MAGI2: variants seen among roughly 807,000 people sequenced by gnomAD.
MAGI2 encodes membrane-associated guanylate kinase, WW and PDZ domain-containing protein 2.
MAGI2 carries 35 observed loss-of-function variants against 133.3 expected under a neutral mutation model. The ratio of observed to expected loss-of-function variants is 0.26; its 90% CI spans 0.20 to 0.35. MAGI2 has a LOEUF of 0.35. MAGI2 is among the 10% of genes least tolerant of loss of function. MAGI2 has a pLI of 1.00. For synonymous variants in MAGI2, 729 were observed against 710.6 expected (o/e 1.03, Z -0.41); for missense variants, 1,636 against 1,863.4 (o/e 0.88, Z 2.25).
intron 1 of MAGI2, among the ~76,000 whole-genome samples, chr7:79,090,089 GA>G (rs1448295973): frequency 6.6e-6 from 1 of 151,736 alleles, no homozygotes; most frequent in African/African-American, 2.4e-5. Context: ...TCCCCTTTAA[GA>G]AAACTGTATT....
chr7:79,426,447 TAA>T (rs977154890), intron 1 of MAGI2, among the ~76,000 whole-genome samples: 1 of 152,108 alleles, frequency 6.6e-6, no homozygotes, highest in African/African-American at 2.4e-5. Context: ...AATCTAAAGG[TAA>T]AAATGATTTT....
At chr7:78,490,286 T>C (rs1309413772) in intron 5 of MAGI2, among the ~76,000 whole-genome samples, 1 of 152,094 alleles carries the variant, frequency 6.6e-6, no homozygotes, top group Non-Finnish European at 1.5e-5. Context: ...GCAGAGGCAG[T>C]ACAAAAGTGA....
intron 2 of MAGI2, among the ~76,000 whole-genome samples, chr7:79,000,923 T>C (rs1806792579): frequency 6.6e-6 from 1 of 152,220 alleles, no homozygotes; most frequent in Non-Finnish European, 1.5e-5. Flanking sequence ...GTTCACCTTA[T>C]TCACTGTTTT....
At chr7:79,357,776 T>C (rs953730986) in intron 1 of MAGI2, among the ~76,000 whole-genome samples, 3 of 152,216 alleles carry the variant, frequency 2.0e-5, no homozygotes, top group African/African-American at 7.2e-5. Flanking sequence ...TGCCATTTAC[T>C]GGCTTAGAAA....
At chr7:78,228,960 CT>C (rs920848435) in intron 10 of MAGI2, among the ~76,000 whole-genome samples, 11 of 152,356 alleles carry the variant, frequency 7.2e-5, no homozygotes, top group Admixed American at 1.3e-4. Flanking sequence ...ACATAAACAT[CT>C]TCTAGGAAGG....
At position 79,396,656 on chromosome 7, in the gene MAGI2, GTGTGC is replaced by G. The variant is rs201139418; in HGVS notation, c.301+56359_301+56363del. ...TTTATGTCCTGCGGGTTTGCAGAGT[GTGTGC>G]TACCATAATTACCACTGGATAGGTA... On this transcript the variant is annotated intron_variant, in intron 1 of 21. Transcript: ENST00000354212. 2.8e-3 allele frequency among the ~76,000 whole-genome samples: 430 copies of G among 152,204 alleles called. 3 individuals are homozygous for G. The highest frequency in any genetic ancestry group is 0.01 in the African/African-American group (421 of 41,530).
intron 3 of MAGI2, among the ~76,000 whole-genome samples, chr7:78,526,449 G>A (rs1796959892): frequency 1.3e-5 from 2 of 152,160 alleles, no homozygotes; most frequent in South Asian, 2.1e-4. Context: ...TACATTAGCA[G>A]TTTCTTGTAA....
chr7:79,255,775 A>ATAAAGGT (rs1158061943), intron 1 of MAGI2, among the ~76,000 whole-genome samples: 1 of 152,158 alleles, frequency 6.6e-6, no homozygotes, highest in African/African-American at 2.4e-5. Context: ...CATGCCAATA[A>ATAAAGGT]TAAAGGTTAT....
intron 2 of MAGI2, among the ~76,000 whole-genome samples, chr7:78,948,069 G>C (rs1484997438): frequency 1.3e-5 from 2 of 151,976 alleles, no homozygotes; most frequent in East Asian, 3.9e-4. Flanking sequence ...ATATTTCACT[G>C]ATAGGAAAAG....
At chr7:78,312,936 TTA>T (rs904852959) in intron 9 of MAGI2, among the ~76,000 whole-genome samples, 2 of 150,502 alleles carry the variant, frequency 1.3e-5, no homozygotes, top group East Asian at 3.9e-4. Context: ...TATATATATT[TTA>T]TATATATGTG....
chr7:78,425,065 C>G (rs748831928), intron 6 of MAGI2, among the ~76,000 whole-genome samples: 2 of 151,976 alleles, frequency 1.3e-5, no homozygotes, highest in Non-Finnish European at 2.9e-5. Context: ...TGTCTTTGTC[C>G]CCACCCAAAT....
intron 4 of MAGI2, among the ~76,000 whole-genome samples, chr7:78,514,086 CAAAAAAAA>C (rs67534111): frequency 4.2e-5 from 2 of 47,198 alleles, no homozygotes; most frequent in African/African-American, 8.8e-5. Flanking sequence ...GAAACTGTCT[CAAAAAAAA>C]AAAAAAAAAA....
At chr7:79,371,408 A>T (rs952470050) in intron 1 of MAGI2, among the ~76,000 whole-genome samples, 10 of 152,270 alleles carry the variant, frequency 6.6e-5, no homozygotes, top group African/African-American at 2.4e-4. Context: ...ATAATAACAC[A>T]ATCATGAGCC....
At chr7:79,387,389 A>G (rs973361284) in intron 1 of MAGI2, among the ~76,000 whole-genome samples, 10 of 152,040 alleles carry the variant, frequency 6.6e-5, no homozygotes, top group Non-Finnish European at 1.2e-4. Flanking sequence ...AACCTCTTCT[A>G]TCATATCTCT....
At chr7:78,205,453 C>G (rs2150775359) in intron 10 of MAGI2, among the ~76,000 whole-genome samples, 1 of 152,282 alleles carries the variant, frequency 6.6e-6, no homozygotes, top group African/African-American at 2.4e-5. Context: ...TTTTAATGAA[C>G]TGCAGAAATA....
At chr7:79,264,859 C>G (rs11973518) in intron 1 of MAGI2, among the ~76,000 whole-genome samples, 5,243 of 145,960 alleles carry the variant, frequency 0.036, 146 homozygotes, top group African/African-American at 0.067. Flanking sequence ...GAGAGAGACA[C>G]AGAGAGAGAG....
chr7:78,428,987 C>T (rs535207821), intron 6 of MAGI2, among the ~76,000 whole-genome samples: 9 of 152,190 alleles, frequency 5.9e-5, no homozygotes, highest in Non-Finnish European at 1.2e-4. Context: ...GTGTTACTAA[C>T]AAAAAGTTAG....
intron 9 of MAGI2, among the ~76,000 whole-genome samples, chr7:78,334,914 T>TA (rs1209748771): frequency 6.6e-6 from 1 of 152,024 alleles, no homozygotes. Context: ...AGAGCAGAGG[T>TA]ATCATGACTT....
chr7:78,380,504 A>G (rs1039455984), intron 6 of MAGI2, among the ~76,000 whole-genome samples: 4 of 152,158 alleles, frequency 2.6e-5, no homozygotes, highest in African/African-American at 9.6e-5. Flanking sequence ...CAGAAAGACA[A>G]ATGTCACATG....
Sources: allele counts gnomAD v4.1 joint callset (sites outside exome capture counted in the v4.1 genomes callset), GRCh38; gene constraint gnomAD v4.1.1; transcripts MANE v1.5; gene names NCBI Gene and HGNC (gene_info 2026-07-23, HGNC 2026-07-21).